KCNK13: variants seen among roughly 807,000 people sequenced by gnomAD.
KCNK13 encodes potassium two pore domain channel subfamily K member 13, also known as potassium channel subfamily K member 13.
In KCNK13, 12 loss-of-function variants were observed where a neutral mutation model predicts 23.4. The observed-to-expected ratio is 0.51, with a 90% CI of 0.33 to 0.83. The LOEUF (loss-of-function observed/expected upper bound fraction) is 0.83, where lower values mean the gene tolerates loss of function less well. KCNK13 is among the 40% of genes least tolerant of loss of function. The pLI, the probability that KCNK13 is intolerant of heterozygous loss-of-function variation, is 0.02. For synonymous variants in KCNK13, 231 were observed against 229.5 expected (o/e 1.01, Z -0.06); for missense variants, 463 against 556.3 (o/e 0.83, Z 1.69).
intron 1 of KCNK13, among the ~76,000 whole-genome samples, chr14:90,105,400 C>G (rs1008428050): frequency 6.6e-6 from 1 of 152,110 alleles, no homozygotes; most frequent in African/African-American, 2.4e-5. Flanking sequence ...CGCCTGAAAT[C>G]ACAGATGTTA....
intron 1 of KCNK13, among the ~76,000 whole-genome samples, chr14:90,079,626 G>A (rs1889184034): frequency 6.6e-6 from 1 of 152,196 alleles, no homozygotes; most frequent in Non-Finnish European, 1.5e-5. Context: ...GGCACAAATA[G>A]TGTCTCCTAT....
chr14:90,093,328 T>C (rs1271088712), intron 1 of KCNK13, among the ~76,000 whole-genome samples: 4 of 152,212 alleles, frequency 2.6e-5, no homozygotes, highest in African/African-American at 9.6e-5. Context: ...ACACATGGTG[T>C]AGAATTGCTA....
chr14:90,094,829 A>T (rs1230804009), intron 1 of KCNK13, among the ~76,000 whole-genome samples: 1 of 151,836 alleles, frequency 6.6e-6, no homozygotes, highest in Non-Finnish European at 1.5e-5. Flanking sequence ...TTGTATTATT[A>T]GTAGAGACGG....
At chr14:90,103,216 T>C (rs1180004460) in intron 1 of KCNK13, among the ~76,000 whole-genome samples, 2 of 152,224 alleles carry the variant, frequency 1.3e-5, no homozygotes, top group African/African-American at 4.8e-5. Context: ...TCTATGTCTT[T>C]GTTATTGTGA....
chr14:90,184,712 C>T lies in KCNK13; in HGVS notation c.936C>T (p.Asn312=), dbSNP rs146611657. ...CQRGLLRSRR[N]VVMPGSVRNR... ...GAGGACTCTTGCGATCACGCAGGAA[C>T]GTGGTGATGCCAGGCAGCGTCCGGA... The change falls in exon 2 of 2, where the codon AAC becomes AAT. Residue 312 remains asparagine, a synonymous_variant. Transcript: ENST00000282146. The surrounding 1 kb of genome is among the most constrained non-coding windows in gnomAD (Gnocchi z 5.6). 32 of 1,614,074 alleles carry T rather than the reference C, an allele frequency of 2.0e-5. No individual in the cohort carries two copies. Among genetic ancestry groups the T allele is most frequent in the Non-Finnish European group, 2.5e-5 (29 of 1,180,050 alleles).
At chr14:90,136,063 G>A (rs532528777) in intron 1 of KCNK13, among the ~76,000 whole-genome samples, 2 of 152,188 alleles carry the variant, frequency 1.3e-5, no homozygotes, top group East Asian at 3.9e-4. Flanking sequence ...AAGACCAGGG[G>A]ATGGCATCCA....
rs539998675 is a variant in KCNK13 at position 90,149,248 on chromosome 14, C to T, written c.335-34863C>T. 6.6e-5 allele frequency among the ~76,000 whole-genome samples: 10 copies of T among 152,088 alleles called. No individual in the cohort carries two copies. In the East Asian group the frequency reaches 7.8e-4, roughly 12 times the overall value. ...GTGCATGCCTGTAGTCCTAGCTACTCGGGAGGCTGAGGCAGGAGAATCCCT... is the reference window on the plus strand; with the variant it reads ...GTGCATGCCTGTAGTCCTAGCTACTTGGGAGGCTGAGGCAGGAGAATCCCT... On this transcript the variant is annotated intron_variant, in intron 1 of 1. Coordinates refer to ENST00000282146, the MANE Select transcript of KCNK13 (RefSeq NM_022054.4).
At chr14:90,079,702 G>A (rs1010589396) in intron 1 of KCNK13, among the ~76,000 whole-genome samples, 8 of 152,198 alleles carry the variant, frequency 5.3e-5, no homozygotes, top group African/African-American at 1.7e-4. Context: ...TTGTCACACG[G>A]CTGCAAGAAT....
intron 1 of KCNK13, among the ~76,000 whole-genome samples, chr14:90,181,066 A>G (rs1239524082): frequency 2.0e-5 from 3 of 152,168 alleles, no homozygotes; most frequent in African/African-American, 4.8e-5. Flanking sequence ...CAGGTTGGCC[A>G]GGATAGTCTT....
intron 1 of KCNK13, among the ~76,000 whole-genome samples, chr14:90,073,945 G>A (rs1476596452): frequency 6.6e-6 from 1 of 151,512 alleles, no homozygotes; most frequent in East Asian, 1.9e-4. Context: ...AAAGTGCTGG[G>A]ATTACAGGTG....
At chr14:90,162,004 C>A (rs921645899) in intron 1 of KCNK13, among the ~76,000 whole-genome samples, 2 of 152,046 alleles carry the variant, frequency 1.3e-5, no homozygotes, top group African/African-American at 4.8e-5. Context: ...TGTAACAAGA[C>A]CCCGTCTCTA....
At chr14:90,143,877 TGA>T (rs1491569181) in intron 1 of KCNK13, among the ~76,000 whole-genome samples, 1 of 152,232 alleles carries the variant, frequency 6.6e-6, no homozygotes, top group African/African-American at 2.4e-5. Context: ...GACACTAGAC[TGA>T]GACTCAGCTA....
At chr14:90,167,347 C>T (rs974677288) in intron 1 of KCNK13, among the ~76,000 whole-genome samples, 2 of 152,220 alleles carry the variant, frequency 1.3e-5, no homozygotes, top group Admixed American at 1.3e-4. Context: ...CACCAGGTAA[C>T]ACAGATATAA....
intron 1 of KCNK13, among the ~76,000 whole-genome samples, chr14:90,131,378 C>T (rs765726836): frequency 3.3e-5 from 5 of 151,838 alleles, no homozygotes; most frequent in Admixed American, 1.3e-4. Flanking sequence ...ACTACAGGCA[C>T]GTGCCACCAC....
intron 1 of KCNK13, among the ~76,000 whole-genome samples, chr14:90,067,226 G>A (rs1168970189): frequency 2.6e-5 from 4 of 152,154 alleles, no homozygotes; most frequent in East Asian, 1.9e-4. Flanking sequence ...CTGAGATCGC[G>A]CCAATGCACT....
chr14:90,172,668 A>C (rs1055923352), intron 1 of KCNK13, among the ~76,000 whole-genome samples: 3 of 152,148 alleles, frequency 2.0e-5, no homozygotes, highest in African/African-American at 7.2e-5. Context: ...ACCATAAAAC[A>C]CTTCAGCATA....
chr14:90,103,260 C>A (rs945008), intron 1 of KCNK13, among the ~76,000 whole-genome samples: 37,551 of 152,052 alleles, frequency 0.25, 5,120 homozygotes, highest in South Asian at 0.4. Flanking sequence ...GTGCATTTAT[C>A]TCTTTTGAAA....
At chr14:90,163,126 A>G (rs146328041) in intron 1 of KCNK13, among the ~76,000 whole-genome samples, 34 of 152,338 alleles carry the variant, frequency 2.2e-4, no homozygotes, top group African/African-American at 7.7e-4. Context: ...ACTGATAACA[A>G]TGAACTCCAC....
At chr14:90,109,792 T>G (rs1889593285) in intron 1 of KCNK13, among the ~76,000 whole-genome samples, 1 of 151,564 alleles carries the variant, frequency 6.6e-6, no homozygotes, top group South Asian at 2.1e-4. Flanking sequence ...CACTGTAGCC[T>G]CAGCCTCCCG....
Sources: allele counts gnomAD v4.1 joint callset (sites outside exome capture counted in the v4.1 genomes callset), GRCh38; gene constraint gnomAD v4.1.1; non-coding constraint Gnocchi (gnomAD v3.1); transcripts MANE v1.5; gene names NCBI Gene and HGNC (gene_info 2026-07-23, HGNC 2026-07-21).